TMEM62: variants seen among roughly 807,000 people sequenced by gnomAD.
TMEM62 encodes the protein transmembrane protein 62.
TMEM62 carries 41 observed loss-of-function variants against 70.4 expected under a neutral mutation model. The ratio of observed to expected loss-of-function variants is 0.58; its 90% CI spans 0.45 to 0.76. The LOEUF is 0.76. TMEM62 is among the 30% of genes least tolerant of loss of function. TMEM62 has a pLI of 0.00. For missense variants in TMEM62, 688 were observed against 788.5 expected (o/e 0.87, Z 1.53); for synonymous variants, 268 against 291.0 (o/e 0.92, Z 0.80).
At position 43,180,130 on chromosome 15, in the gene TMEM62, A is replaced by AT. The variant is rs372556741; in HGVS notation, c.1487-1041dup. ...CTTGCCAGCAAATGATGGTATTTGCATTTTTTTTTTGAGATGTAGTCTTGC... is the reference window on the plus strand; with the variant it reads ...CTTGCCAGCAAATGATGGTATTTGCATTTTTTTTTTTGAGATGTAGTCTTGC... On this transcript the variant is annotated intron_variant, in intron 12 of 13. Coordinates refer to ENST00000260403, the MANE Select transcript of TMEM62 (RefSeq NM_024956.4). Among the ~76,000 whole-genome samples, 398 of 149,828 alleles carry AT rather than the reference A, an allele frequency of 2.7e-3. 3 individuals are homozygous for AT. Among genetic ancestry groups the AT allele is most frequent in the Non-Finnish European group, 4.0e-3 (271 of 67,170 alleles).
intron 5 of TMEM62, among the ~76,000 whole-genome samples, chr15:43,146,987 G>A (rs998356891): frequency 5.3e-5 from 8 of 152,228 alleles, no homozygotes; most frequent in African/African-American, 7.2e-5. Context: ...TTTTTGAGAC[G>A]GAGTTTTGCT....
rs772121484 is a variant in TMEM62 at position 43,135,621 on chromosome 15, C to T, written c.402C>T (p.Thr134=). 1 of 1,600,382 alleles carries T rather than the reference C, an allele frequency of 6.2e-7. No individual in the cohort carries two copies. The highest frequency in any genetic ancestry group is 1.3e-5 in the African/African-American group (1 of 74,232). ...ILKKTRVMEK[T]KWLDIKGNHD... The stretch of plus-strand genomic sequence containing the variant: ...AGAAGACAAGAGTCATGGAAAAAAC[C>T]AAGTGGCTGGATATCAAAGGAAATC... Residue 134 remains threonine, a synonymous_variant, in exon 3 of 14, where the codon ACC becomes ACT. Transcript: ENST00000260403.
intron 10 of TMEM62, among the ~76,000 whole-genome samples, chr15:43,162,223 C>T (rs528225762): frequency 2.1e-4 from 31 of 150,476 alleles, no homozygotes; most frequent in Non-Finnish European, 2.8e-4. Flanking sequence ...CTGCAACCTC[C>T]GCCTCCTGGA....
At chr15:43,161,196 G>C (rs1156335431) in intron 10 of TMEM62, among the ~76,000 whole-genome samples, 1 of 152,122 alleles carries the variant, frequency 6.6e-6, no homozygotes, top group African/African-American at 2.4e-5. Context: ...TGACAAGAAA[G>C]TTGAATCTTA....
At chr15:43,155,255 T>C (rs536873989) in intron 9 of TMEM62, among the ~76,000 whole-genome samples, 1 of 150,550 alleles carries the variant, frequency 6.6e-6, no homozygotes, top group African/African-American at 2.4e-5. Context: ...AGTGAAAAAA[T>C]TGGGGCTGAG....
At chr15:43,165,753 T>A (rs1406568469) in intron 10 of TMEM62, among the ~76,000 whole-genome samples, 1 of 151,448 alleles carries the variant, frequency 6.6e-6, no homozygotes, top group Non-Finnish European at 1.5e-5. Flanking sequence ...TAAAATAAAT[T>A]AAATAAAAAA....
At position 43,169,743 on chromosome 15, in the gene TMEM62, T is replaced by C. The variant is rs532078172; in HGVS notation, c.1381+66T>C. On this transcript the variant is annotated intron_variant, in intron 11 of 13. Transcript: ENST00000260403. ...GGAAAAAACCAAACTCCGTAAAATA[T>C]TTTAAAGAGGTTTATTCTAAGCCAA... The C allele has an allele frequency of 2.2e-6, 3 of 1,376,104 alleles. No homozygotes were observed. The Admixed American group carries it at 5.6e-5, about 26-fold the overall frequency. The allele number at this position is 1,376,104 out of a possible 1,614,324, so 85.2% of individuals were successfully genotyped here. A position where few individuals can be genotyped will look rare whatever the true frequency, so the allele number is the denominator to read the frequency against.
chr15:43,175,650 G>A (rs2142042019), intron 11 of TMEM62, among the ~76,000 whole-genome samples: 1 of 152,336 alleles, frequency 6.6e-6, no homozygotes, highest in South Asian at 2.1e-4. Context: ...TTCAGTTGGA[G>A]TAAGAGGTTA....
At chr15:43,174,155 G>C (rs1267951195) in intron 11 of TMEM62, among the ~76,000 whole-genome samples, 2 of 152,104 alleles carry the variant, frequency 1.3e-5, no homozygotes, top group East Asian at 3.9e-4. Flanking sequence ...TTGAGCCACT[G>C]TGCCTGTCTT....
intron 10 of TMEM62, among the ~76,000 whole-genome samples, chr15:43,162,147 AT>A (rs1421425210): frequency 2.0e-5 from 3 of 150,080 alleles, no homozygotes; most frequent in African/African-American, 7.3e-5. Context: ...ATTTTATTTT[AT>A]TTTTTTTGAG....
chr15:43,169,714 T>C, intron 11 of TMEM62, 37 bp downstream of exon 11: 1 of 1,567,984 alleles, frequency 6.4e-7, no homozygotes, highest in Non-Finnish European at 8.7e-7. Context: ...TAAGCCTTGT[T>C]CATGGAAAAA....
Position 43,154,726 on chromosome 15 carries a change from A to C in TMEM62, c.1077A>C (p.Gly359=), listed in dbSNP as rs1373082080. The change falls in exon 9 of 14, where the codon GGA becomes GGC. Residue 359 remains glycine, a synonymous_variant. Coordinates refer to ENST00000260403, the MANE Select transcript of TMEM62 (RefSeq NM_024956.4). ...SITSVTVKID[G]VHLGQAVHVS... ...CTTCTGTCACAGTTAAGATTGATGGAGTTCATTTAGGCCAGGCTGTTCATG... is the reference window on the plus strand; with the variant it reads ...CTTCTGTCACAGTTAAGATTGATGGCGTTCATTTAGGCCAGGCTGTTCATG... The C allele has an allele frequency of 1.2e-6, 2 of 1,613,850 alleles. No homozygotes were observed. Among genetic ancestry groups the C allele is most frequent in the Admixed American group, 3.3e-5 (2 of 59,964 alleles).
rs751708145 is a variant in TMEM62 at position 43,146,548 on chromosome 15, T to A, written c.532T>A (p.Phe178Ile). Reference sequence around the variant, plus strand: ...TTTCCATTATGTCCACAGTACTCCCTTTGGCAACTATTCGTTCATCTGTGT... The same window carrying A: ...TTTCCATTATGTCCACAGTACTCCCATTGGCAACTATTCGTTCATCTGTGT... ...GSFHYVHSTP[F>I]GNYSFICVDA... Residue 178 changes from phenylalanine (F) to isoleucine (I), a missense_variant, in exon 5 of 14, where the codon TTT becomes ATT. Coordinates refer to ENST00000260403, the MANE Select transcript of TMEM62 (RefSeq NM_024956.4). The A allele has an allele frequency of 4.3e-6, 7 of 1,613,804 alleles. No homozygotes were observed. Among genetic ancestry groups the A allele is most frequent in the Non-Finnish European group, 5.9e-6 (7 of 1,179,748 alleles).
At chr15:43,174,344 T>C (rs2040518204) in intron 11 of TMEM62, among the ~76,000 whole-genome samples, 1 of 152,214 alleles carries the variant, frequency 6.6e-6, no homozygotes, top group African/African-American at 2.4e-5. Context: ...GTAGTAATGA[T>C]TAAACAGTAA....
At chr15:43,168,593 G>C (rs1027284620) in intron 10 of TMEM62, among the ~76,000 whole-genome samples, 1 of 152,126 alleles carries the variant, frequency 6.6e-6, no homozygotes, top group African/African-American at 2.4e-5. Context: ...TGGTACCCAG[G>C]TGGCAAAACA....
intron 11 of TMEM62, among the ~76,000 whole-genome samples, chr15:43,174,664 T>G (rs2040545697): frequency 6.6e-6 from 1 of 152,210 alleles, no homozygotes; most frequent in African/African-American, 2.4e-5. Context: ...TGGGAGGTTA[T>G]GTAAATTGTC....
At chr15:43,152,510 T>C (rs554493583) in intron 8 of TMEM62, among the ~76,000 whole-genome samples, 1 of 152,316 alleles carries the variant, frequency 6.6e-6, no homozygotes, top group East Asian at 1.9e-4. Flanking sequence ...TTCTCATGCC[T>C]CAGCCTCTGG....
chr15:43,135,436 G>A, intron 2 of TMEM62, 76 bp from the exon 3 acceptor site: 1 of 1,448,830 alleles, frequency 6.9e-7, no homozygotes, highest in South Asian at 1.5e-5. Context: ...TGTTCCTTCA[G>A]TGTACATATC....
At chr15:43,174,904 C>G (rs2040571896) in intron 11 of TMEM62, among the ~76,000 whole-genome samples, 1 of 152,158 alleles carries the variant, frequency 6.6e-6, no homozygotes, top group Admixed American at 6.5e-5. Context: ...CTGGATGATT[C>G]CAATGTGCAG....
Sources: allele counts gnomAD v4.1 joint callset (sites outside exome capture counted in the v4.1 genomes callset), GRCh38; gene constraint gnomAD v4.1.1; transcripts MANE v1.5; gene names NCBI Gene and HGNC (gene_info 2026-07-23, HGNC 2026-07-21).